ANKRD31: variants seen among roughly 807,000 people sequenced by gnomAD.
ANKRD31 encodes the protein ankyrin repeat domain 31, also known as ankyrin repeat domain-containing protein 31.
A neutral mutation model predicts 186.0 loss-of-function variants in ANKRD31; 147 were observed. That is an observed-to-expected ratio of 0.79 (90% CI 0.69 to 0.91). The LOEUF is 0.91. ANKRD31 is among the 40% of genes least tolerant of loss of function. ANKRD31 has a pLI of 0.00. For synonymous variants in ANKRD31, 673 were observed against 736.4 expected (o/e 0.91, Z 1.39); for missense variants, 1,986 against 2,148.8 (o/e 0.92, Z 1.50).
At chr5:75,160,196 A>G (rs1207235827) in intron 11 of ANKRD31, among the ~76,000 whole-genome samples, 2 of 152,144 alleles carry the variant, frequency 1.3e-5, no homozygotes, top group Non-Finnish European at 2.9e-5. Flanking sequence ...TAACAGTAAT[A>G]GAACAAAAAT....
intron 23 of ANKRD31, among the ~76,000 whole-genome samples, chr5:75,090,276 A>C (rs1580302650): frequency 6.6e-6 from 1 of 152,316 alleles, no homozygotes; most frequent in East Asian, 1.9e-4. Context: ...TTTGGGAAAA[A>C]GTCAGACAGA....
chr5:75,109,876 G>C (rs932824183), intron 20 of ANKRD31, among the ~76,000 whole-genome samples: 2 of 152,142 alleles, frequency 1.3e-5, no homozygotes, highest in African/African-American at 4.8e-5. Flanking sequence ...CACAGGGAAA[G>C]GGCAATGTGT....
At position 75,201,352 on chromosome 5, in the gene ANKRD31, CAT is replaced by C. The variant is rs527816401; in HGVS notation, c.404-1680_404-1679del. ...AATTATTCCTGTCAACAAGTGATGA[CAT>C]ATTTCATTGTGTGTATCTTACTTAA... is the stretch of plus-strand genomic sequence containing the variant. On this transcript the variant is annotated intron_variant, in intron 5 of 25. Coordinates refer to ENST00000506364, the MANE Select transcript of ANKRD31 (RefSeq NM_001372053.1). 2.8e-3 allele frequency among the ~76,000 whole-genome samples: 432 copies of C among 152,272 alleles called. 5 individuals are homozygous for C. Among genetic ancestry groups the C allele is most frequent in the Admixed American group, 0.017 (264 of 15,284 alleles).
intron 21 of ANKRD31, among the ~76,000 whole-genome samples, chr5:75,107,217 C>A (rs1016351134): frequency 1.3e-5 from 2 of 151,920 alleles, no homozygotes; most frequent in African/African-American, 4.8e-5. Context: ...TTTGAGTGTG[C>A]TAAAGAAATA....
At chr5:75,124,168 A>G (rs1350646125) in intron 17 of ANKRD31, among the ~76,000 whole-genome samples, 1 of 152,226 alleles carries the variant, frequency 6.6e-6, no homozygotes, top group East Asian at 1.9e-4. Context: ...ACGAATGACC[A>G]ACAAGCATAT....
At chr5:75,091,126 C>T in intron 23 of ANKRD31, 135 bp downstream of exon 23, 1 of 937,870 alleles carries the variant, frequency 1.1e-6, no homozygotes, top group Non-Finnish European at 1.6e-6. Flanking sequence ...ATGCATACAG[C>T]ATATACAGAA....
chr5:75,224,178 T>TATATATATATACAC (rs1341100904), intron 2 of ANKRD31, among the ~76,000 whole-genome samples: 2 of 124,430 alleles, frequency 1.6e-5, no homozygotes, highest in South Asian at 2.6e-4. Flanking sequence ...TATATATATA[T>TATATATATATACAC]ACACACATTT....
At chr5:75,151,435 T>C (rs1232452285) in intron 12 of ANKRD31, among the ~76,000 whole-genome samples, 2 of 151,982 alleles carry the variant, frequency 1.3e-5, no homozygotes, top group African/African-American at 4.8e-5. Context: ...TCTCATGCTG[T>C]TCTCCTGATA....
rs540365553 is a variant in ANKRD31, at chr5:75,230,184, G to A, written c.178+378C>T. The stretch of plus-strand genomic sequence containing the variant: ...TCTTCAATGGACTGGCCTCCAGTCC[G>A]GGGTTGGTTCCTGCCTTGAGCCCTG... On this transcript the variant is annotated intron_variant, in intron 2 of 25. Coordinates refer to ENST00000506364, the MANE Select transcript of ANKRD31 (RefSeq NM_001372053.1). 1.4e-3 allele frequency among the ~76,000 whole-genome samples: 219 copies of A among 152,146 alleles called. 1 individual carries two copies. The highest frequency in any genetic ancestry group is 3.9e-3 in the African/African-American group (163 of 41,504).
rs56755264 is a variant in ANKRD31 at position 75,231,906 on chromosome 5, AACACACACACACACAC to A, written c.105-1287_105-1272del. On this transcript the variant is annotated intron_variant, in intron 1 of 25. Coordinates refer to ENST00000506364, the MANE Select transcript of ANKRD31 (RefSeq NM_001372053.1). ...GTGACAAAGTGAGACACTGTCTCAAAACACACACACACACACACACACACACACACACACACACACA... is the reference window on the plus strand; with the variant it reads ...GTGACAAAGTGAGACACTGTCTCAAAACACACACACACACACACACACACA... Among the ~76,000 whole-genome samples, 166 of 144,708 alleles carry A rather than the reference AACACACACACACACAC, an allele frequency of 1.1e-3. 1 individual carries two copies. The East Asian group carries it at 0.032, about 28-fold the overall frequency. 94.9% of individuals were successfully genotyped at this position (144,708 alleles called of 152,430 possible).
chr5:75,137,758 T>G (rs1750708697), intron 17 of ANKRD31, 98 bp downstream of exon 17: 1 of 1,156,054 alleles, frequency 8.7e-7, no homozygotes, highest in African/African-American at 1.6e-5. Context: ...ATCACTTGTT[T>G]TACTGAATCA....
chr5:75,071,531 T>C (rs1744228307), intron 25 of ANKRD31, among the ~76,000 whole-genome samples: 4 of 150,756 alleles, frequency 2.7e-5, no homozygotes, highest in Admixed American at 2.6e-4. Context: ...GTCTCGGTCT[T>C]GTCACCCAGC....
In ANKRD31 at chr5:75,135,318, G is replaced by T. The variant is rs4895742; in HGVS notation, c.3876+2538C>A. Among the ~76,000 whole-genome samples, 363 of 152,164 alleles carry T rather than the reference G, an allele frequency of 2.4e-3. 1 individual carries two copies. The highest frequency in any genetic ancestry group is 7.3e-3 in the African/African-American group (301 of 41,442). On this transcript the variant is annotated intron_variant, in intron 17 of 25. Transcript: ENST00000506364. ...AAGCTGATAAGCAACTTCAGCAAAG[G>T]CTCAGGATACTAAATCAATGTGCAA... is the stretch of plus-strand genomic sequence containing the variant.
At chr5:75,156,533 A>G (rs962593919) in intron 11 of ANKRD31, among the ~76,000 whole-genome samples, 1 of 152,164 alleles carries the variant, frequency 6.6e-6, no homozygotes, top group African/African-American at 2.4e-5. Context: ...CATCTCTAGA[A>G]CTTGTAAATG....
intron 10 of ANKRD31, among the ~76,000 whole-genome samples, chr5:75,181,740 C>T (rs1327556398): frequency 5.2e-5 from 4 of 77,638 alleles, no homozygotes; most frequent in Non-Finnish European, 7.2e-5. Flanking sequence ...GTTGTGGGGT[C>T]GGGGGAGGGG....
intron 10 of ANKRD31, among the ~76,000 whole-genome samples, chr5:75,177,928 C>T (rs1014363386): frequency 3.9e-5 from 6 of 152,042 alleles, no homozygotes; most frequent in African/African-American, 1.2e-4. Flanking sequence ...AATTAAAAGG[C>T]GCAGACTGGC....
At chr5:75,110,366 G>A (rs1454332172) in intron 20 of ANKRD31, among the ~76,000 whole-genome samples, 1 of 152,018 alleles carries the variant, frequency 6.6e-6, no homozygotes, top group South Asian at 2.1e-4. Context: ...TCCACTTGAT[G>A]AATAAACAAA....
Position 75,236,600 on chromosome 5 carries a change from C to T in ANKRD31, c.87G>A (p.Lys29=). 1.3e-6 allele frequency: 2 copies of T among 1,537,160 alleles called. No individual in the cohort carries two copies. The highest frequency in any genetic ancestry group is 1.7e-6 in the Non-Finnish European group (2 of 1,146,838). Residue 29 remains lysine (K), a synonymous_variant, in exon 1 of 26, where the codon AAG becomes AAA. Coordinates refer to ENST00000506364, the MANE Select transcript of ANKRD31 (RefSeq NM_001372053.1). The part of the protein sequence containing the change: ...GSVTESDLEE[K]ELPWRRLLFD... ...ATGGTCACCTTCTCCAGGGCAGCTC[C>T]TTTTCTTCCAGGTCGCTCTCCGTCA...
chr5:75,160,960 C>T (rs1752534914), intron 11 of ANKRD31, among the ~76,000 whole-genome samples: 1 of 152,134 alleles, frequency 6.6e-6, no homozygotes, highest in African/African-American at 2.4e-5. Flanking sequence ...AACTATAAGT[C>T]CATTAAACCT....
Sources: gnomAD v4.1 joint callset for allele counts (sites outside exome capture counted in the v4.1 genomes callset) on GRCh38, gnomAD v4.1.1 for gene constraint, MANE v1.5 for transcripts, NCBI Gene and HGNC (gene_info 2026-07-23, HGNC 2026-07-21) for gene names.